The following NEGR1 variants were observed in gnomAD, a reference collection of about 807,000 sequenced individuals.
NEGR1 encodes the protein IgLON family member 4.
NEGR1 carries 10 observed loss-of-function variants against 40.9 expected under a neutral mutation model. The observed-to-expected ratio is 0.24, with a 90% CI of 0.15 to 0.42. NEGR1 has a LOEUF of 0.42. Among genes scored for constraint, NEGR1 ranks in the 10% least tolerant of loss-of-function variants. The pLI is 1.00. For missense variants in NEGR1, 352 were observed against 438.9 expected (o/e 0.80, Z 1.77); for synonymous variants, 185 against 166.8 (o/e 1.11, Z -0.84).
At chr1:71,696,285 T>C (rs547210995) in intron 4 of NEGR1, among the ~76,000 whole-genome samples, 1 of 151,870 alleles carries the variant, frequency 6.6e-6, no homozygotes, top group South Asian at 2.1e-4. Context: ...GGCAACAAAC[T>C]AAAGTCAGAA....
intron 2 of NEGR1, among the ~76,000 whole-genome samples, chr1:71,924,304 T>G (rs1047907372): frequency 2.0e-5 from 3 of 152,228 alleles, no homozygotes; most frequent in Admixed American, 1.3e-4. Flanking sequence ...GTGCAACATT[T>G]AGCAAAGTTA....
chr1:71,655,044 G>A (rs1035708987), intron 4 of NEGR1, among the ~76,000 whole-genome samples: 4 of 151,968 alleles, frequency 2.6e-5, no homozygotes, highest in East Asian at 1.9e-4. Flanking sequence ...TTTTGGCCAC[G>A]TCCAATTGAA....
chr1:71,660,813 C>T (rs1652028974), intron 4 of NEGR1, among the ~76,000 whole-genome samples: 1 of 152,120 alleles, frequency 6.6e-6, no homozygotes, highest in South Asian at 2.1e-4. Context: ...AACCCGTCAT[C>T]CACATTAGGT....
chr1:72,023,143 C>T (rs1279813557), intron 1 of NEGR1, among the ~76,000 whole-genome samples: 2 of 152,246 alleles, frequency 1.3e-5, no homozygotes, highest in South Asian at 2.1e-4. Context: ...GTGTTCTCCT[C>T]ATTGTCATTT....
chr1:71,947,518 T>C (rs1450017745), intron 1 of NEGR1, among the ~76,000 whole-genome samples: 1 of 152,242 alleles, frequency 6.6e-6, no homozygotes, highest in Non-Finnish European at 1.5e-5. Flanking sequence ...ATGATGATAC[T>C]ATACACCCTG....
chr1:71,498,013 G>A (rs1431926754), intron 6 of NEGR1, among the ~76,000 whole-genome samples: 1 of 151,812 alleles, frequency 6.6e-6, no homozygotes, highest in African/African-American at 2.4e-5. Context: ...ACAGGCTGTT[G>A]CATATCACCA....
intron 1 of NEGR1, among the ~76,000 whole-genome samples, chr1:72,217,688 G>C (rs1653868906): frequency 6.6e-6 from 1 of 151,666 alleles, no homozygotes; most frequent in African/African-American, 2.4e-5. Context: ...GTATCAATTT[G>C]GTTACATTTA....
intron 1 of NEGR1, among the ~76,000 whole-genome samples, chr1:72,222,488 GAAATA>G (rs1484073689): frequency 6.6e-6 from 1 of 152,094 alleles, no homozygotes; most frequent in Admixed American, 6.6e-5. Context: ...AATCATTGAA[GAAATA>G]AAATAAAACA....
chr1:71,956,649 A>C (rs1156887685), intron 1 of NEGR1, among the ~76,000 whole-genome samples: 1 of 152,164 alleles, frequency 6.6e-6, no homozygotes, highest in Non-Finnish European at 1.5e-5. Flanking sequence ...ATTATCTGTC[A>C]ATACATATCA....
chr1:72,225,156 C>T (rs531237265), intron 1 of NEGR1, among the ~76,000 whole-genome samples: 1 of 151,946 alleles, frequency 6.6e-6, no homozygotes, highest in South Asian at 2.1e-4. Context: ...GTAGCTGAGG[C>T]CTTCAGACCA....
intron 1 of NEGR1, among the ~76,000 whole-genome samples, chr1:72,106,320 G>A (rs1286201579): frequency 6.6e-6 from 1 of 151,982 alleles, no homozygotes; most frequent in Non-Finnish European, 1.5e-5. Context: ...GAAAAGCTGA[G>A]ATGTTAGAAC....
intron 6 of NEGR1, among the ~76,000 whole-genome samples, chr1:71,448,111 C>G (rs1289329729): frequency 6.6e-6 from 1 of 151,806 alleles, no homozygotes; most frequent in Non-Finnish European, 1.5e-5. Flanking sequence ...GTTTTCTGAT[C>G]ATTGAAAGGT....
intron 2 of NEGR1, among the ~76,000 whole-genome samples, chr1:71,884,873 C>T (rs1351745204): frequency 6.6e-6 from 1 of 152,160 alleles, no homozygotes; most frequent in Admixed American, 6.5e-5. Context: ...TTCTTGTAAA[C>T]ACCTTTCTCT....
At chr1:71,623,529 G>A (rs1557591044) in intron 4 of NEGR1, among the ~76,000 whole-genome samples, 1 of 151,936 alleles carries the variant, frequency 6.6e-6, no homozygotes, top group Admixed American at 6.6e-5. Flanking sequence ...AGTGGGAAGT[G>A]ATAGTAGTTG....
In NEGR1 at chr1:71,885,440, T is replaced by TTTTG. The variant is rs920347479; in HGVS notation, c.409+49635_409+49638dup. Among the ~76,000 whole-genome samples the TTTTG allele has an allele frequency of 5.3e-5, 8 of 152,326 alleles. No individual in the cohort carries two copies. In the East Asian group the frequency reaches 5.8e-4, roughly 11 times the overall value. On this transcript the variant is annotated intron_variant, in intron 2 of 6. Transcript: ENST00000357731. ...TTGCAGGACATCTACTTGTTTAGTTTTTTGTTTGTTTGTTTGTTTGTTTTT... is the reference window on the plus strand; with the variant it reads ...TTGCAGGACATCTACTTGTTTAGTTTTTTGTTTGTTTGTTTGTTTGTTTGTTTTT...
intron 6 of NEGR1, among the ~76,000 whole-genome samples, chr1:71,441,325 A>G (rs1246884667): frequency 6.6e-6 from 1 of 152,198 alleles, no homozygotes; most frequent in Non-Finnish European, 1.5e-5. Context: ...TCCTTCTTCC[A>G]TACCCTTCGC....
At chr1:71,946,503 TAA>T (rs1268379903) in intron 1 of NEGR1, among the ~76,000 whole-genome samples, 1 of 151,156 alleles carries the variant, frequency 6.6e-6, no homozygotes, top group East Asian at 1.9e-4. Flanking sequence ...GAAATCGAAT[TAA>T]GAGTGATGTG....
intron 6 of NEGR1, among the ~76,000 whole-genome samples, chr1:71,480,719 C>T (rs1646848953): frequency 6.6e-6 from 1 of 151,882 alleles, no homozygotes; most frequent in Non-Finnish European, 1.5e-5. Context: ...GAATTGTGCC[C>T]TTTGAGAAAC....
At chr1:71,640,603 A>G (rs1651317292) in intron 4 of NEGR1, among the ~76,000 whole-genome samples, 1 of 152,074 alleles carries the variant, frequency 6.6e-6, no homozygotes, top group Non-Finnish European at 1.5e-5. Context: ...TCACTTGAAA[A>G]ATAAAGTTCT....
Sources: allele counts gnomAD v4.1 joint callset (sites outside exome capture counted in the v4.1 genomes callset), GRCh38; gene constraint gnomAD v4.1.1; transcripts MANE v1.5; gene names NCBI Gene and HGNC (gene_info 2026-07-23, HGNC 2026-07-21).